MAP2K6: variants seen among roughly 807,000 people sequenced by gnomAD.
The protein encoded by MAP2K6 is dual specificity mitogen-activated protein kinase kinase 6.
Under a neutral mutation model 53.7 loss-of-function variants are expected in MAP2K6, and 16 were observed. The ratio of observed to expected loss-of-function variants is 0.30; its 90% confidence interval spans 0.20 to 0.45. MAP2K6 has a LOEUF of 0.45. MAP2K6 is among the 20% of genes least tolerant of loss of function. The pLI, the probability that MAP2K6 is intolerant of heterozygous loss-of-function variation, is 1.00. For synonymous variants in MAP2K6, 132 were observed against 143.1 expected (o/e 0.92, Z 0.55); for missense variants, 204 against 411.9 (o/e 0.50, Z 4.37).
At chr17:69,421,662 C>T (rs544404860) in intron 1 of MAP2K6, among the ~76,000 whole-genome samples, 16 of 151,904 alleles carry the variant, frequency 1.1e-4, no homozygotes, top group Non-Finnish European at 1.8e-4. Flanking sequence ...CCTCAGCCTC[C>T]GGAGTAGCTG....
intron 10 of MAP2K6, among the ~76,000 whole-genome samples, chr17:69,533,361 C>T (rs1433127783): frequency 6.6e-6 from 1 of 152,094 alleles, no homozygotes; most frequent in Admixed American, 6.5e-5. Context: ...GATGTTTAAG[C>T]TCATCTATCT....
chr17:69,459,686 C>T (rs1029548711), intron 1 of MAP2K6, among the ~76,000 whole-genome samples: 13 of 128,176 alleles, frequency 1.0e-4, no homozygotes, highest in Middle Eastern at 5.3e-3. Context: ...CACTCCAGCC[C>T]GGGCAACAGC....
chr17:69,452,093 C>T (rs949254726), intron 1 of MAP2K6, among the ~76,000 whole-genome samples: 1 of 151,880 alleles, frequency 6.6e-6, no homozygotes, highest in East Asian at 1.9e-4. Context: ...TGGACAAGTT[C>T]CCCTAACGCA....
At position 69,552,505 on chromosome 17, in the gene MAP2K6, A is replaced by C. The variant is rs1226093968; in HGVS notation, c.*10752A>C. On this transcript the variant is annotated 3_prime_UTR_variant, in exon 12 of 12. Coordinates refer to ENST00000590474, the MANE Select transcript of MAP2K6 (RefSeq NM_002758.4). Reference sequence around the variant, plus strand: ...TTGTGAATGAGGCAGGCTGAACTGTAGAGCATGAAACTCATTAGAAGTTTA... The same window carrying C: ...TTGTGAATGAGGCAGGCTGAACTGTCGAGCATGAAACTCATTAGAAGTTTA... 1 of 152,212 alleles carries C rather than the reference A, an allele frequency of 6.6e-6. No homozygotes were observed. The highest frequency in any genetic ancestry group is 1.5e-5 in the Non-Finnish European group (1 of 68,044). 9.4% of individuals were successfully genotyped at this position (152,212 alleles called of 1,614,324 possible). A position where few individuals can be genotyped will look rare whatever the true frequency, so the allele number is the denominator to read the frequency against.
In MAP2K6 at chr17:69,502,827, A is replaced by C. The variant is rs190639903; in HGVS notation, c.17-2953A>C. ...TTATTCCTTTGGTCTCTGTGCTAAA[A>C]ACTTTCTCTCTTTTTTACTGTTTCT... On this transcript the variant is annotated intron_variant, in intron 1 of 11. Coordinates refer to ENST00000590474, the MANE Select transcript of MAP2K6 (RefSeq NM_002758.4). The C allele has an allele frequency of 4.2e-5, 20 of 473,090 alleles. No homozygotes were observed. The East Asian group carries it at 2.3e-3, about 55-fold the overall frequency. The allele number at this position is 473,090 out of a possible 1,614,324, so 29.3% of individuals were successfully genotyped here. A position where few individuals can be genotyped will look rare whatever the true frequency, so the allele number is the denominator to read the frequency against.
chr17:69,518,230 T>A (rs904297328), intron 4 of MAP2K6, among the ~76,000 whole-genome samples: 7 of 152,032 alleles, frequency 4.6e-5, no homozygotes, highest in Non-Finnish European at 1.0e-4. Flanking sequence ...TGATACTTCC[T>A]TCATCTAATC....
rs1287076716 is a variant in MAP2K6, at chr17:69,450,093, C to A, written c.16+35093C>A. On this transcript the variant is annotated intron_variant, in intron 1 of 11. Transcript: ENST00000590474. ...GGGACTACAGGTGTGCACTACCACA[C>A]CTGGCTAATTTTTTTTTTTTTTTTT... Among the ~76,000 whole-genome samples the A allele has an allele frequency of 8.2e-5, 11 of 133,348 alleles. No homozygotes were observed. In the Admixed American group the frequency reaches 9.0e-4, roughly 11 times the overall value. 87.5% of individuals were successfully genotyped at this position (133,348 alleles called of 152,430 possible).
rs371756242 is a variant in MAP2K6 at position 69,475,314 on chromosome 17, G to A, written c.17-30466G>A. On this transcript the variant is annotated intron_variant, in intron 1 of 11. Transcript: ENST00000590474. ...CTCCCAAGTAGCTGGGACTACAGGCGCCCGCCAACACGCCCGGCTAATTTT... is the reference window on the plus strand; with the variant it reads ...CTCCCAAGTAGCTGGGACTACAGGCACCCGCCAACACGCCCGGCTAATTTT... Among the ~76,000 whole-genome samples the A allele has an allele frequency of 7.8e-4, 117 of 150,914 alleles. 1 individual carries two copies. The highest frequency in any genetic ancestry group is 2.8e-3 in the African/African-American group (114 of 41,022).
At chr17:69,421,217 CT>C (rs1243053177) in intron 1 of MAP2K6, among the ~76,000 whole-genome samples, 1 of 152,170 alleles carries the variant, frequency 6.6e-6, no homozygotes, top group Non-Finnish European at 1.5e-5. Context: ...CAATTTTCTT[CT>C]TGTGCTTCTT....
chr17:69,515,520 C>T (rs1272232492), intron 2 of MAP2K6, among the ~76,000 whole-genome samples: 1 of 152,210 alleles, frequency 6.6e-6, no homozygotes, highest in African/African-American at 2.4e-5. Flanking sequence ...CCTTTCTCAG[C>T]TCCTAGTTGT....
At chr17:69,538,195 G>A (rs1911448477) in intron 11 of MAP2K6, among the ~76,000 whole-genome samples, 1 of 152,130 alleles carries the variant, frequency 6.6e-6, no homozygotes, top group Non-Finnish European at 1.5e-5. Context: ...TTGTAACTAA[G>A]TTCAGATAAG....
chr17:69,538,707 C>T (rs1911476000), intron 11 of MAP2K6, among the ~76,000 whole-genome samples: 1 of 152,164 alleles, frequency 6.6e-6, no homozygotes, highest in Admixed American at 6.5e-5. Context: ...CTCCCTAACA[C>T]GGATTGAAGG....
chr17:69,498,409 G>A (rs1057362431), intron 1 of MAP2K6, among the ~76,000 whole-genome samples: 2 of 152,034 alleles, frequency 1.3e-5, no homozygotes, highest in Non-Finnish European at 1.5e-5. Flanking sequence ...GGATCCTGAA[G>A]CCTCACTCTA....
chr17:69,449,591 T>TTCTTTCTTTCTTTC (rs1266574890), intron 1 of MAP2K6, among the ~76,000 whole-genome samples: 1 of 131,338 alleles, frequency 7.6e-6, no homozygotes, highest in Non-Finnish European at 1.7e-5. Flanking sequence ...CTTTCTTTCT[T>TTCTTTCTTTCTTTC]TTTCTTTCTT....
At chr17:69,475,826 T>G (rs1294633405) in intron 1 of MAP2K6, among the ~76,000 whole-genome samples, 1 of 152,144 alleles carries the variant, frequency 6.6e-6, no homozygotes, top group East Asian at 1.9e-4. Context: ...AAACCAATCA[T>G]GATGGTCCCC....
chr17:69,428,717 A>T (rs1906349456), intron 1 of MAP2K6, among the ~76,000 whole-genome samples: 2 of 152,182 alleles, frequency 1.3e-5, no homozygotes, highest in South Asian at 4.1e-4. Context: ...TGGGAAGATC[A>T]GGAGTCTGTT....
chr17:69,519,235 A>C (rs879219870), intron 4 of MAP2K6, 78 bp from the exon 5 acceptor site: 2 of 1,495,834 alleles, frequency 1.3e-6, no homozygotes, highest in Admixed American at 4.4e-5. Flanking sequence ...AACTATTTTC[A>C]CGATGGGACT....
chr17:69,437,658 A>C (rs1319010938), intron 1 of MAP2K6, among the ~76,000 whole-genome samples: 1 of 152,220 alleles, frequency 6.6e-6, no homozygotes, highest in Admixed American at 6.5e-5. Context: ...AAGGTTGTGC[A>C]ATCATCACCA....
chr17:69,515,358 C>T lies in MAP2K6; in HGVS notation c.84-1497C>T, dbSNP rs545366870. Among the ~76,000 whole-genome samples the T allele has an allele frequency of 1.9e-4, 28 of 151,208 alleles. 1 individual carries two copies. The East Asian group carries it at 4.3e-3, about 23-fold the overall frequency. Reference sequence around the variant, plus strand: ...TTTTAGTAGAGATGGGGTTTCACCACGTTGGCCAGGCTGGTCTCGAACTCC... The same window carrying T: ...TTTTAGTAGAGATGGGGTTTCACCATGTTGGCCAGGCTGGTCTCGAACTCC... On this transcript the variant is annotated intron_variant, in intron 2 of 11. Coordinates refer to ENST00000590474, the MANE Select transcript of MAP2K6 (RefSeq NM_002758.4).
Sources: allele counts gnomAD v4.1 joint callset (sites outside exome capture counted in the v4.1 genomes callset), GRCh38; gene constraint gnomAD v4.1.1; transcripts MANE v1.5; gene names NCBI Gene and HGNC (gene_info 2026-07-23, HGNC 2026-07-21).